The following ABCC4 variants were observed in gnomAD, a reference collection of about 807,000 sequenced individuals.
ABCC4 encodes the protein ATP binding cassette subfamily C member 4 (PEL blood group).
In ABCC4, 102 loss-of-function variants were observed where a neutral mutation model predicts 168.5. That is an observed-to-expected ratio of 0.61 (90% CI 0.52 to 0.71). The LOEUF (loss-of-function observed/expected upper bound fraction) is 0.71. ABCC4 is among the 30% of genes least tolerant of loss of function. The pLI is 0.00. For synonymous variants in ABCC4, 617 were observed against 590.7 expected (o/e 1.04, Z -0.65); for missense variants, 1,402 against 1,605.8 (o/e 0.87, Z 2.17).
At position 95,074,199 on chromosome 13, in the gene ABCC4, C is replaced by T. The variant is rs775737656; in HGVS notation, c.2917+15G>A. The T allele has an allele frequency of 6.4e-7, 1 of 1,573,146 alleles. No individual in the cohort carries two copies. Among genetic ancestry groups the T allele is most frequent in the East Asian group, 2.2e-5 (1 of 44,622 alleles). On this transcript the variant is annotated intron_variant, in intron 23 of 30. Transcript: ENST00000645237. Reference sequence around the variant, plus strand: ...TGTAATCATACCATACATAGTTATTCACATCTGTACTTACTTTTTGCCAGA... The same window carrying T: ...TGTAATCATACCATACATAGTTATTTACATCTGTACTTACTTTTTGCCAGA...
At chr13:95,143,317 T>C (rs554664450) in intron 19 of ABCC4, among the ~76,000 whole-genome samples, 23 of 152,330 alleles carry the variant, frequency 1.5e-4, no homozygotes, top group African/African-American at 5.1e-4. Flanking sequence ...CTTCTGACCA[T>C]GTTATTCTGT....
chr13:95,184,012 G>A (rs887367656), intron 11 of ABCC4, among the ~76,000 whole-genome samples: 1 of 152,234 alleles, frequency 6.6e-6, no homozygotes, highest in Non-Finnish European at 1.5e-5. Context: ...TCCTACCGAG[G>A]ATGGAACCAT....
At chr13:95,089,890 AAAG>A (rs1237627379) in intron 20 of ABCC4, among the ~76,000 whole-genome samples, 1 of 152,078 alleles carries the variant, frequency 6.6e-6, no homozygotes. Context: ...AGAAAAAAAA[AAAG>A]AAGCCAATCC....
intron 6 of ABCC4, 146 bp downstream of exon 6, chr13:95,209,288 G>T: frequency 1.1e-6 from 1 of 917,652 alleles, no homozygotes; most frequent in Non-Finnish European, 1.6e-6. Flanking sequence ...AAGGACAGAG[G>T]CCCCCTTGGC....
intron 4 of ABCC4, among the ~76,000 whole-genome samples, chr13:95,219,468 G>T (rs991635537): frequency 5.3e-5 from 8 of 152,256 alleles, no homozygotes; most frequent in Middle Eastern, 3.4e-3. Context: ...TATAAATGCA[G>T]TATACCCCCA....
chr13:95,161,442 C>T, intron 18 of ABCC4, 107 bp from the exon 19 acceptor site: 1 of 833,096 alleles, frequency 1.2e-6, no homozygotes, highest in Non-Finnish European at 1.7e-6. Context: ...TAATTTATTC[C>T]ATAAAGCATC....
intron 9 of ABCC4, among the ~76,000 whole-genome samples, chr13:95,189,650 T>C (rs1046593615): frequency 2.6e-5 from 4 of 152,200 alleles, no homozygotes; most frequent in Non-Finnish European, 5.9e-5. Flanking sequence ...AGGCACTTTA[T>C]ACTATAAAGT....
At chr13:95,142,152 A>G (rs1008805784) in intron 19 of ABCC4, among the ~76,000 whole-genome samples, 2 of 152,242 alleles carry the variant, frequency 1.3e-5, no homozygotes, top group African/African-American at 4.8e-5. Flanking sequence ...ATAGCAGCAC[A>G]ATTTGCAATT....
chr13:95,106,773 G>GCTAT (rs10633937), intron 20 of ABCC4, among the ~76,000 whole-genome samples: 143,332 of 151,918 alleles, frequency 0.94, 67,744 homozygotes, highest in African/African-American at 0.97. Context: ...TGAAATCATG[G>GCTAT]CTGTTTGGGA....
At chr13:95,218,338 A>G (rs1262795779) in intron 4 of ABCC4, among the ~76,000 whole-genome samples, 1 of 152,200 alleles carries the variant, frequency 6.6e-6, no homozygotes, top group African/African-American at 2.4e-5. Context: ...AGGACTGGCT[A>G]ATATCCTCCT....
chr13:95,264,180 CA>C (rs1462040744), intron 1 of ABCC4, among the ~76,000 whole-genome samples: 1 of 151,668 alleles, frequency 6.6e-6, no homozygotes, highest in Non-Finnish European at 1.5e-5. Context: ...ATGGGGAAAA[CA>C]GAATATTTCT....
chr13:95,061,338 G>A (rs2033283780), intron 26 of ABCC4, among the ~76,000 whole-genome samples: 1 of 152,102 alleles, frequency 6.6e-6, no homozygotes, highest in African/African-American at 2.4e-5. Flanking sequence ...CAGTGCACAG[G>A]GTTCCAATTT....
At chr13:95,025,336 CCATACACACA>C in intron 30 of ABCC4, among the ~76,000 whole-genome samples, 1 of 45,102 alleles carries the variant, frequency 2.2e-5, no homozygotes, top group Non-Finnish European at 4.3e-5. Flanking sequence ...ACCCACACAC[CCATACACACA>C]CCCACACCCC....
At chr13:95,176,027 A>C (rs917148249) in intron 13 of ABCC4, among the ~76,000 whole-genome samples, 2 of 151,874 alleles carry the variant, frequency 1.3e-5, no homozygotes, top group African/African-American at 4.8e-5. Context: ...TATTTCTTTC[A>C]AAGGAATTGA....
chr13:95,271,483 TA>T (rs2040846182), intron 1 of ABCC4, among the ~76,000 whole-genome samples: 1 of 152,190 alleles, frequency 6.6e-6, no homozygotes, highest in Admixed American at 6.5e-5. Context: ...AGAGGTTGTT[TA>T]TTCTCTAAGG....
At chr13:95,041,709 C>T (rs987141850) in intron 29 of ABCC4, among the ~76,000 whole-genome samples, 2 of 152,134 alleles carry the variant, frequency 1.3e-5, no homozygotes, top group African/African-American at 2.4e-5. Context: ...AAACAAAACA[C>T]CTCCAAAATC....
At chr13:95,160,793 T>C (rs1000619971) in intron 19 of ABCC4, among the ~76,000 whole-genome samples, 7 of 152,088 alleles carry the variant, frequency 4.6e-5, no homozygotes, top group Admixed American at 1.3e-4. Flanking sequence ...ATTACAAAGA[T>C]CCCTCTGAAA....
intron 8 of ABCC4, among the ~76,000 whole-genome samples, chr13:95,203,542 G>T (rs1254785755): frequency 6.6e-6 from 1 of 151,974 alleles, no homozygotes; most frequent in Non-Finnish European, 1.5e-5. Flanking sequence ...ATTTTTAGTA[G>T]AGACGGGATT....
rs2032049726 is a variant in ABCC4, at chr13:95,034,795, A to G, written c.3736-56T>C. 6.2e-6 allele frequency: 10 copies of G among 1,610,572 alleles called. No homozygotes were observed. In the South Asian group the frequency reaches 8.8e-5, roughly 14 times the overall value. ...ACACAATGTTTTGCAGTAACATATT[A>G]TAACAGAGACAATATTTCGGAAAGG... On this transcript the variant is annotated intron_variant, in intron 29 of 30. Coordinates refer to ENST00000645237, the MANE Select transcript of ABCC4 (RefSeq NM_005845.5).
Sources: gnomAD v4.1 joint callset for allele counts (sites outside exome capture counted in the v4.1 genomes callset) on GRCh38, gnomAD v4.1.1 for gene constraint, MANE v1.5 for transcripts, NCBI Gene and HGNC (gene_info 2026-07-23, HGNC 2026-07-21) for gene names.